The following EXOC3L2 variants were observed in gnomAD, a reference collection of about 807,000 sequenced individuals.
EXOC3L2 encodes the protein exocyst complex component 3-like protein 2.
In EXOC3L2, 17 loss-of-function variants were observed where a neutral mutation model predicts 44.4. The ratio of observed to expected loss-of-function variants is 0.38; its 90% CI spans 0.26 to 0.57. The LOEUF (loss-of-function observed/expected upper bound fraction) is 0.57, where lower values mean the gene tolerates loss of function less well. EXOC3L2 is among the 20% of genes least tolerant of loss of function. EXOC3L2 has a pLI of 0.65. For missense variants in EXOC3L2, 541 were observed against 588.4 expected (o/e 0.92, Z 0.83); for synonymous variants, 256 against 253.7 (o/e 1.01, Z -0.09).
At chr19:45,214,966 G>A (rs1969817991) in intron 11 of EXOC3L2, among the ~76,000 whole-genome samples, 1 of 151,910 alleles carries the variant, frequency 6.6e-6, no homozygotes, top group Non-Finnish European at 1.5e-5. Context: ...GACCAGTGTG[G>A]TCAACTTGGT....
chr19:45,232,742 G>A (rs977654475), intron 3 of EXOC3L2, among the ~76,000 whole-genome samples: 2 of 152,080 alleles, frequency 1.3e-5, no homozygotes, highest in Non-Finnish European at 2.9e-5. Context: ...CTGAGGTTCT[G>A]GGTGCTACCC....
chr19:45,228,743 G>A (rs577128240), intron 4 of EXOC3L2, among the ~76,000 whole-genome samples: 3 of 151,954 alleles, frequency 2.0e-5, no homozygotes, highest in Non-Finnish European at 2.9e-5. Context: ...TTGCACTCCC[G>A]CCTGGGCAAC....
Position 45,234,358 on chromosome 19 carries a change from C to T in EXOC3L2, c.992G>A (p.Arg331Gln), listed in dbSNP as rs1226295307. ...ARLLEDMAVV[R>Q]GRLAPAYPAG... Reference sequence around the variant, plus strand: ...GGGGTAGGCGGGCGCCAGGCGGCCCCGCACCACGGCCATATCCTCCAGCAG... The same window carrying T: ...GGGGTAGGCGGGCGCCAGGCGGCCCTGCACCACGGCCATATCCTCCAGCAG... The change falls in exon 3 of 12, where the codon CGG becomes CAG. Residue 331 changes from arginine to glutamine, a missense_variant. Transcript: ENST00000413988. This position sits in a 1 kb window ranked among gnomAD's most constrained non-coding sequence, Gnocchi z 5.0. 13 of 352,008 alleles carry T rather than the reference C, an allele frequency of 3.7e-5. No homozygotes were observed. The highest frequency in any genetic ancestry group is 6.1e-5 in the Non-Finnish European group (12 of 196,214). The allele number at this position is 352,008 out of a possible 1,614,324, so 21.8% of individuals were successfully genotyped here. A position where few individuals can be genotyped will look rare whatever the true frequency, so the allele number is the denominator to read the frequency against.
At chr19:45,229,831 G>A (rs892519006) in intron 4 of EXOC3L2, among the ~76,000 whole-genome samples, 2 of 133,544 alleles carry the variant, frequency 1.5e-5, no homozygotes, top group African/African-American at 6.4e-5. Flanking sequence ...GGCAACAAGA[G>A]TGAAACTCCG....
intron 4 of EXOC3L2, among the ~76,000 whole-genome samples, chr19:45,230,882 T>C (rs1970023764): frequency 6.6e-6 from 1 of 151,874 alleles, no homozygotes; most frequent in African/African-American, 2.4e-5. Flanking sequence ...GCCAGGATTT[T>C]GAGACTAGCC....
At chr19:45,221,644 C>CTTTTTT (rs373572170) in intron 8 of EXOC3L2, among the ~76,000 whole-genome samples, 1 of 91,832 alleles carries the variant, frequency 1.1e-5, no homozygotes, top group African/African-American at 4.0e-5. Context: ...CCCAGCAGGG[C>CTTTTTT]TTTTTTTTTT....
chr19:45,234,600 C>T lies in EXOC3L2; in HGVS notation c.750G>A (p.Gly250=), dbSNP rs1260911201. ...ALVRETLAGP[G]PGACAGAGAV... ...CGCCAGCCCCGGCGCACGCTCCCGG[C>T]CCGGGGCCCGCCAGCGTCTCGCGCA... The change falls in exon 3 of 12, where the codon GGG becomes GGA. Residue 250 remains glycine (G), a synonymous_variant. Transcript: ENST00000413988. This position sits in a 1 kb window ranked among gnomAD's most constrained non-coding sequence, Gnocchi z 5.0. 6.8e-6 allele frequency: 2 copies of T among 295,372 alleles called. No individual in the cohort carries two copies. Among genetic ancestry groups the T allele is most frequent in the African/African-American group, 2.2e-5 (1 of 44,540 alleles). The allele number at this position is 295,372 out of a possible 1,614,324, so 18.3% of individuals were successfully genotyped here.
rs190382834 is a variant in EXOC3L2, at chr19:45,233,814, G to T, written c.1157+379C>A. 1.0e-3 allele frequency among the ~76,000 whole-genome samples: 152 copies of T among 152,302 alleles called. 1 individual carries two copies. Among genetic ancestry groups the T allele is most frequent in the African/African-American group, 3.6e-3 (148 of 41,576 alleles). ...GAATGGTGTTGAGATTTTAGGAACGGAAAAGTAGCAACGCAAAGGTTCTAG... is the reference window on the plus strand; with the variant it reads ...GAATGGTGTTGAGATTTTAGGAACGTAAAAGTAGCAACGCAAAGGTTCTAG... On this transcript the variant is annotated intron_variant, in intron 3 of 11. Transcript: ENST00000413988.
chr19:45,231,823 C>T lies in EXOC3L2; in HGVS notation c.1209G>A (p.Gly403=). Residue 403 remains glycine, a synonymous_variant, in exon 4 of 12, where the codon GGG becomes GGA. Coordinates refer to ENST00000413988, the MANE Select transcript of EXOC3L2 (RefSeq NM_001382422.1). ...GCAGGGTGCCAGGGGAGAGAAGGGG[C>T]CCCAGCTCCCCATTCTCCAGGGCGG... ...DMAALENGEL[G]PLLSPGTLRG... 3 of 1,609,876 alleles carry T rather than the reference C, an allele frequency of 1.9e-6. No homozygotes were observed. Among genetic ancestry groups the T allele is most frequent in the Non-Finnish European group, 2.5e-6 (3 of 1,176,664 alleles).
chr19:45,229,443 ATTAG>A, intron 4 of EXOC3L2, among the ~76,000 whole-genome samples: 1 of 147,088 alleles, frequency 6.8e-6, no homozygotes, highest in African/African-American at 2.5e-5. Context: ...TATATTAATA[ATTAG>A]TATGTATTAT....
At position 45,213,187 on chromosome 19, in the gene EXOC3L2, C is replaced by T. The variant is rs751663787; in HGVS notation, c.2291G>A (p.Cys764Tyr). Residue 764 changes from cysteine (C) to tyrosine (Y), a missense_variant, in exon 12 of 12, where the codon TGT becomes TAT. Cys to Tyr is a radical substitution (Grantham distance 194). Transcript: ENST00000413988. ...GCCCAGGAAGAGAGGGAGGCTGAGACAGAAAGATGGGCGGGGCACAGGGAT... is the reference window on the plus strand; with the variant it reads ...GCCCAGGAAGAGAGGGAGGCTGAGATAGAAAGATGGGCGGGGCACAGGGAT... The part of the protein sequence containing the change: ...ADIPVPRPSF[C>Y]LSLPLFLGRL... The T allele has an allele frequency of 9.3e-6, 15 of 1,605,956 alleles. 1 individual carries two copies. Among genetic ancestry groups the T allele is most frequent in the Middle Eastern group, 1.7e-4 (1 of 6,014 alleles).
At position 45,234,257 on chromosome 19, in the gene EXOC3L2, G is replaced by T; in HGVS notation, c.1093C>A (p.Arg365Ser). 2.5e-6 allele frequency: 1 copy of T among 396,094 alleles called. No homozygotes were observed. Among genetic ancestry groups the T allele is most frequent in the Non-Finnish European group, 4.5e-6 (1 of 224,350 alleles). 24.5% of individuals were successfully genotyped at this position (396,094 alleles called of 1,614,324 possible). ...CGGTCGGCCAGCGGCAGCCTGCGAC[G>T]GGCGGAGGCCCCCAGCCACTCGGCC... ...ALAEWLGASA[R>S]RRLPLADRYA... Residue 365 changes from arginine to serine, a missense_variant, in exon 3 of 12, where the codon CGT becomes AGT. Coordinates refer to ENST00000413988, the MANE Select transcript of EXOC3L2 (RefSeq NM_001382422.1). This position sits in a 1 kb window ranked among gnomAD's most constrained non-coding sequence, Gnocchi z 5.0.
chr19:45,228,312 G>A, intron 4 of EXOC3L2, 46 bp from the exon 5 acceptor site: 2 of 1,565,840 alleles, frequency 1.3e-6, no homozygotes, highest in Non-Finnish European at 1.7e-6. Flanking sequence ...GGGCGGCCTG[G>A]AGGTCTTTTT....
chr19:45,243,869 C>T (rs1006624717), intron 1 of EXOC3L2, among the ~76,000 whole-genome samples: 3 of 151,908 alleles, frequency 2.0e-5, no homozygotes, highest in African/African-American at 7.3e-5. Context: ...ACCTTGTGAT[C>T]CGCCTGTTTC....
At chr19:45,218,565 GA>G (rs1439444814) in intron 8 of EXOC3L2, among the ~76,000 whole-genome samples, 1 of 152,140 alleles carries the variant, frequency 6.6e-6, no homozygotes, top group Non-Finnish European at 1.5e-5. Context: ...AGGGGTTTAG[GA>G]AGCCCAGAGG....
At position 45,219,070 on chromosome 19, in the gene EXOC3L2, G is replaced by A. The variant is rs182639370; in HGVS notation, c.1720-751C>T. ...CTCTACTAAAATACAAAAATTAGCC[G>A]GGCGCGGTGGCGTGCAACTGTAGTT... is the stretch of plus-strand genomic sequence containing the variant. On this transcript the variant is annotated intron_variant, in intron 8 of 11. Coordinates refer to ENST00000413988, the MANE Select transcript of EXOC3L2 (RefSeq NM_001382422.1). 2.0e-3 allele frequency among the ~76,000 whole-genome samples: 303 copies of A among 152,068 alleles called. No individual in the cohort carries two copies. In the South Asian group the frequency reaches 0.024, roughly 12 times the overall value.
chr19:45,215,746 T>C (rs769490186), intron 11 of EXOC3L2, among the ~76,000 whole-genome samples: 8 of 152,136 alleles, frequency 5.3e-5, no homozygotes, highest in African/African-American at 9.6e-5. Context: ...TGTGCGCCCG[T>C]GTGCCCTGCG....
chr19:45,213,156 G>T lies in EXOC3L2; in HGVS notation c.2322C>A (p.Leu774=). 1 of 1,591,580 alleles carries T rather than the reference G, an allele frequency of 6.3e-7. No homozygotes were observed. Among genetic ancestry groups the T allele is most frequent in the Non-Finnish European group, 8.6e-7 (1 of 1,169,478 alleles). ...TGGGCCTGGCCAGCCGGGAGAGGGG[G>T]AGGCGGCCCAGGAAGAGAGGGAGGC... The part of the protein sequence containing the change: ...CLSLPLFLGR[L]PLSRLARPSL... The change falls in exon 12 of 12, where the codon CTC becomes CTA. Residue 774 remains leucine (L), a synonymous_variant. Transcript: ENST00000413988.
At chr19:45,241,223 G>A (rs1251614855) in intron 1 of EXOC3L2, among the ~76,000 whole-genome samples, 2 of 152,136 alleles carry the variant, frequency 1.3e-5, no homozygotes, top group Non-Finnish European at 2.9e-5. Flanking sequence ...GGGTGCAGTG[G>A]CTCACGCCTG....
Sources: gnomAD v4.1 joint callset for allele counts (sites outside exome capture counted in the v4.1 genomes callset) on GRCh38, gnomAD v4.1.1 for gene constraint, Gnocchi (gnomAD v3.1) non-coding constraint, MANE v1.5 for transcripts, NCBI Gene and HGNC (gene_info 2026-07-23, HGNC 2026-07-21) for gene names.